Variants in ANKRD22 observed in about 807,000 individuals in gnomAD.
The protein encoded by ANKRD22 is ankyrin repeat domain-containing protein 22.
A neutral mutation model predicts 25.7 loss-of-function variants in ANKRD22; 24 were observed. The observed-to-expected ratio is 0.93, with a 90% CI of 0.68 to 1.31. The LOEUF is 1.31. Among genes scored for constraint, ANKRD22 ranks in the 50% most tolerant of loss-of-function variants. ANKRD22 has a pLI of 0.00. For synonymous variants in ANKRD22, 84 were observed against 84.3 expected (o/e 1.00, Z 0.02); for missense variants, 214 against 227.1 (o/e 0.94, Z 0.37).
At chr10:88,841,070 G>A (rs112952619) in intron 1 of ANKRD22, among the ~76,000 whole-genome samples, 154 of 152,144 alleles carry the variant, frequency 1.0e-3, no homozygotes, top group African/African-American at 3.3e-3. Context: ...ATCCTGAAAG[G>A]TCTGTTTGAG....
chr10:88,847,963 G>T (rs1289368719), intron 1 of ANKRD22, among the ~76,000 whole-genome samples: 2 of 151,584 alleles, frequency 1.3e-5, no homozygotes, highest in Admixed American at 6.6e-5. Context: ...AAAGGGGCTG[G>T]GAAATTCTTT....
chr10:88,841,859 T>C (rs999210995), intron 1 of ANKRD22, among the ~76,000 whole-genome samples: 1 of 152,130 alleles, frequency 6.6e-6, no homozygotes, highest in Non-Finnish European at 1.5e-5. Context: ...TACTCCCTTT[T>C]TCACCCTATA....
chr10:88,850,846 G>A (rs1844097760), intron 1 of ANKRD22, among the ~76,000 whole-genome samples: 1 of 151,826 alleles, frequency 6.6e-6, no homozygotes, highest in Admixed American at 6.6e-5. Context: ...ATCCAAGAAG[G>A]TTCCCCTGAG....
chr10:88,850,002 G>C (rs556128917), intron 1 of ANKRD22, among the ~76,000 whole-genome samples: 1 of 150,646 alleles, frequency 6.6e-6, no homozygotes, highest in Non-Finnish European at 1.5e-5. Context: ...CAAATTGGGG[G>C]AAGTTTTTTT....
rs373927142 is a variant in ANKRD22 at position 88,823,299 on chromosome 10, T to G, written c.479A>C (p.Asp160Ala). The change falls in exon 5 of 6, where the codon GAC becomes GCC. Residue 160 changes from aspartate to alanine, a missense_variant. Transcript: ENST00000371930. The part of the protein sequence containing the change: ...LIPLLLEARA[D>A]PTIKNKHGES... ...CCTTACCTTATTCTTTATTGTGGGGTCTGCACGGGCTTCCAAGAGCAGAGG... is the reference window on the plus strand; with the variant it reads ...CCTTACCTTATTCTTTATTGTGGGGGCTGCACGGGCTTCCAAGAGCAGAGG... The G allele has an allele frequency of 1.9e-6, 3 of 1,613,322 alleles. No homozygotes were observed. In the African/African-American group the frequency reaches 4.0e-5, roughly 22 times the overall value.
At chr10:88,840,692 G>A (rs1180229892) in intron 1 of ANKRD22, among the ~76,000 whole-genome samples, 2 of 152,132 alleles carry the variant, frequency 1.3e-5, no homozygotes, top group African/African-American at 2.4e-5. Context: ...TGTGATTCAC[G>A]AAATGTCTTC....
At chr10:88,846,374 A>T (rs1429167980) in intron 1 of ANKRD22, among the ~76,000 whole-genome samples, 1 of 152,186 alleles carries the variant, frequency 6.6e-6, no homozygotes, top group Non-Finnish European at 1.5e-5. Flanking sequence ...ATTTACACTG[A>T]TTGATCTAAG....
chr10:88,825,304 A>C (rs1843845677), intron 4 of ANKRD22, among the ~76,000 whole-genome samples: 1 of 152,230 alleles, frequency 6.6e-6, no homozygotes, highest in Non-Finnish European at 1.5e-5. Context: ...ATAGAAATAA[A>C]CTTTTGTCTT....
intron 1 of ANKRD22, among the ~76,000 whole-genome samples, chr10:88,846,487 A>C (rs1844049980): frequency 6.6e-6 from 1 of 152,168 alleles, no homozygotes; most frequent in Non-Finnish European, 1.5e-5. Context: ...AATAAGCATA[A>C]AAGTTGTCAA....
chr10:88,825,929 T>G, intron 4 of ANKRD22, 109 bp downstream of exon 4: 1 of 933,778 alleles, frequency 1.1e-6, no homozygotes, highest in Non-Finnish European at 1.6e-6. Flanking sequence ...AAAAGAAAAC[T>G]AAATGTAAAA....
intron 4 of ANKRD22, 115 bp downstream of exon 4, chr10:88,825,923 G>T (rs964111079): frequency 2.4e-5 from 22 of 899,476 alleles, no homozygotes; most frequent in South Asian, 7.5e-5. Flanking sequence ...GAAAATAAAA[G>T]AAAACTAAAT....
intron 1 of ANKRD22, among the ~76,000 whole-genome samples, chr10:88,841,552 A>T (rs189322391): frequency 1.1e-4 from 17 of 152,114 alleles, no homozygotes; most frequent in Non-Finnish European, 2.5e-4. Context: ...GCCTGCTCCA[A>T]TACACCAGCA....
In ANKRD22 at chr10:88,823,033, A is replaced by G; in HGVS notation, c.499-15T>C. The stretch of plus-strand genomic sequence containing the variant: ...CTCTCACCATGCTGAGGGGGGAAAA[A>G]TATACAGTTATTTCCAATAGAGTGC... On this transcript the variant is annotated splice_polypyrimidine_tract_variant and intron_variant, in intron 5 of 5. Transcript: ENST00000371930. 6.2e-7 allele frequency: 1 copy of G among 1,607,504 alleles called. No individual in the cohort carries two copies.
chr10:88,829,157 T>G (rs909482640), intron 2 of ANKRD22, among the ~76,000 whole-genome samples: 1 of 152,220 alleles, frequency 6.6e-6, no homozygotes, highest in Non-Finnish European at 1.5e-5. Flanking sequence ...TCTTCAAATA[T>G]GTGAATACTT....
intron 3 of ANKRD22, 101 bp from the exon 4 acceptor site, chr10:88,826,216 C>T (rs560422923): frequency 1.0e-6 from 1 of 961,974 alleles, no homozygotes; most frequent in African/African-American, 1.6e-5. Context: ...AATCCCAACA[C>T]TCCTATGCAT....
rs78611637 is a variant in ANKRD22 at position 88,838,027 on chromosome 10, G to A, written c.22-6001C>T. On this transcript the variant is annotated intron_variant, in intron 1 of 5. Transcript: ENST00000371930. The stretch of plus-strand genomic sequence containing the variant: ...GACTAATCCAATAACTAAATAAATA[G>A]CATTGACATTTAAAAAGATGAATGG... 2.1e-3 allele frequency among the ~76,000 whole-genome samples: 320 copies of A among 152,270 alleles called. 2 individuals carry two copies. Among genetic ancestry groups the A allele is most frequent in the Middle Eastern group, 0.017 (5 of 294 alleles).
intron 2 of ANKRD22, among the ~76,000 whole-genome samples, chr10:88,829,879 C>A (rs190747747): frequency 1.1e-4 from 17 of 152,306 alleles, no homozygotes; most frequent in Admixed American, 1.1e-3. Context: ...TGGTCTCAAG[C>A]GATCCTTCAA....
intron 4 of ANKRD22, 137 bp downstream of exon 4, chr10:88,825,901 G>GAA: frequency 1.4e-6 from 1 of 722,562 alleles, no homozygotes; most frequent in Non-Finnish European, 2.2e-6. Context: ...CTGTCAGTGG[G>GAA]AAAAAAAAGG....
rs115161995 is a variant in ANKRD22, at chr10:88,832,494, G to C, written c.22-468C>G. ...TAAAGATAAAATATCTTTATCTTTA[G>C]TAAAGACAAAATGTCTTTATCTTTA... On this transcript the variant is annotated intron_variant, in intron 1 of 5. Coordinates refer to ENST00000371930, the MANE Select transcript of ANKRD22 (RefSeq NM_144590.3). Among the ~76,000 whole-genome samples the C allele has an allele frequency of 0.012, 1,676 of 142,566 alleles. 53 individuals are homozygous for C. In the East Asian group the frequency reaches 0.14, roughly 12 times the overall value. The allele number at this position is 142,566 out of a possible 152,430, so 93.5% of individuals were successfully genotyped here.
Sources: allele counts gnomAD v4.1 joint callset (sites outside exome capture counted in the v4.1 genomes callset), GRCh38; gene constraint gnomAD v4.1.1; transcripts MANE v1.5; gene names NCBI Gene and HGNC (gene_info 2026-07-23, HGNC 2026-07-21).